GIGYF2: variants seen among roughly 807,000 people sequenced by gnomAD.
GIGYF2 encodes GRB10-interacting GYF protein 2.
A neutral mutation model predicts 208.1 loss-of-function variants in GIGYF2; 25 were observed. That is an observed-to-expected ratio of 0.12 (90% CI 0.09 to 0.17). The LOEUF is 0.17. Among genes scored for constraint, GIGYF2 ranks in the 10% least tolerant of loss-of-function variants. The pLI is 1.00. For synonymous variants in GIGYF2, 534 were observed against 543.8 expected, an observed-to-expected ratio of 0.98 and a Z score of 0.25; for missense variants, 1,302 against 1,579.4, an observed-to-expected ratio of 0.82 and a Z score of 2.98.
chr2:232,736,109 G>C, intron 3 of GIGYF2: 2 of 955,148 alleles, frequency 2.1e-6, no homozygotes, highest in Non-Finnish European at 2.5e-6. Context: ...ATTAATATAT[G>C]TAATCTCGAA....
rs754789407 is a variant in GIGYF2 at position 232,771,192 on chromosome 2, C to T, written c.532+9756C>T. 5.0e-6 allele frequency: 8 copies of T among 1,613,686 alleles called. No homozygotes were observed. The highest frequency in any genetic ancestry group is 1.1e-5 in the South Asian group (1 of 91,078). On this transcript the variant is annotated intron_variant, in intron 8 of 28. Transcript: ENST00000373563. The stretch of plus-strand genomic sequence containing the variant: ...CAACAAAAGAAGCAGAAAAGACCAA[C>T]ATCATCCAACGCCAGCGCATGTCCA...
chr2:232,761,572 A>C, intron 8 of GIGYF2, 136 bp downstream of exon 8: 1 of 631,482 alleles, frequency 1.6e-6, no homozygotes, highest in Non-Finnish European at 2.9e-6. Context: ...TACTGCATGA[A>C]ACCAGAGATG....
intron 13 of GIGYF2, among the ~76,000 whole-genome samples, chr2:232,795,385 G>T (rs1383076708): frequency 6.6e-6 from 1 of 152,184 alleles, no homozygotes; most frequent in Non-Finnish European, 1.5e-5. Flanking sequence ...TAAAGTAAGT[G>T]ATAGCTTGCT....
chr2:232,710,594 A>T (rs1696345159), intron 2 of GIGYF2, among the ~76,000 whole-genome samples: 1 of 152,164 alleles, frequency 6.6e-6, no homozygotes, highest in South Asian at 2.1e-4. Context: ...ATTTAAGTAA[A>T]ATCCAAAATG....
At chr2:232,740,207 C>A (rs1331890192) in intron 3 of GIGYF2, among the ~76,000 whole-genome samples, 4 of 152,080 alleles carry the variant, frequency 2.6e-5, no homozygotes, top group African/African-American at 9.7e-5. Flanking sequence ...CCTGTAGTCC[C>A]AGCTACTGAG....
chr2:232,714,929 C>T (rs1696610706), intron 2 of GIGYF2, among the ~76,000 whole-genome samples: 1 of 152,102 alleles, frequency 6.6e-6, no homozygotes, highest in African/African-American at 2.4e-5. Context: ...TCCCTTCTCC[C>T]ACTCTCCACC....
At chr2:232,766,601 A>G (rs536199364) in intron 8 of GIGYF2, 1 of 152,466 alleles carries the variant, frequency 6.6e-6, no homozygotes, top group Admixed American at 6.5e-5. Flanking sequence ...TCTACTTAAG[A>G]ATGAATGTCT....
At position 232,791,938 on chromosome 2, in the gene GIGYF2, A is replaced by C. The variant is rs572989847; in HGVS notation, c.1282+492A>C. Among the ~76,000 whole-genome samples, 92 of 152,328 alleles carry C rather than the reference A, an allele frequency of 6.0e-4. 2 individuals are homozygous for C. In the South Asian group the frequency reaches 0.018, roughly 30 times the overall value. ...GTTAGTGTATTGGTTTAAGTTGCTC[A>C]TACACTTTATTAGGCAATATTAATG... On this transcript the variant is annotated intron_variant, in intron 12 of 28. Transcript: ENST00000373563.
At chr2:232,781,045 C>T (rs1699698256) in intron 8 of GIGYF2, among the ~76,000 whole-genome samples, 1 of 152,018 alleles carries the variant, frequency 6.6e-6, no homozygotes, top group African/African-American at 2.4e-5. Flanking sequence ...GCAACCTCCA[C>T]CTCCCGGGTT....
Position 232,839,882 on chromosome 2 carries a change from A to G in GIGYF2, c.2800A>G (p.Asn934Asp), listed in dbSNP as rs1282081385. Residue 934 changes from asparagine to aspartate, a missense_variant, in exon 23 of 29, where the codon AAT becomes GAT. By Grantham distance (23) the Asn-to-Asp change is conservative (BLOSUM62 1). Coordinates refer to ENST00000373563, the MANE Select transcript of GIGYF2 (RefSeq NM_001103146.3). ...TTCTTCAACGTGGGGCCAGCAGTCCAATACAACAGCATGTCAGTCCCAGGC... is the reference window on the plus strand; with the variant it reads ...TTCTTCAACGTGGGGCCAGCAGTCCGATACAACAGCATGTCAGTCCCAGGC... The part of the protein sequence containing the change: ...PSSSTWGQQS[N>D]TTACQSQATL... 6.2e-7 allele frequency: 1 copy of G among 1,614,054 alleles called. No homozygotes were observed. The highest frequency in any genetic ancestry group is 1.7e-5 in the Admixed American group (1 of 60,018).
At chr2:232,781,027 G>A (rs897666596) in intron 8 of GIGYF2, among the ~76,000 whole-genome samples, 1 of 151,792 alleles carries the variant, frequency 6.6e-6, no homozygotes, top group African/African-American at 2.4e-5. Context: ...GCACAATCTC[G>A]GCTCACTGCA....
In GIGYF2 at chr2:232,796,157, G is replaced by A. The variant is rs370762713; in HGVS notation, c.1575G>A (p.Ser525=). Residue 525 remains serine, a synonymous_variant, in exon 14 of 29, where the codon TCG becomes TCA. Transcript: ENST00000373563. ...AAGAGCACAGAGCTAAAGGAGTGTC[G>A]ATTCCATTGATGCATGAAGCAATGC... The part of the protein sequence containing the change: ...KLQEHRAKGV[S]IPLMHEAMQK... 8.8e-6 allele frequency: 14 copies of A among 1,599,876 alleles called. No individual in the cohort carries two copies. The East Asian group carries it at 8.9e-5, about 10-fold the overall frequency.
intron 18 of GIGYF2, among the ~76,000 whole-genome samples, chr2:232,814,077 G>A (rs1011249733): frequency 6.6e-6 from 1 of 151,132 alleles, no homozygotes; most frequent in African/African-American, 2.4e-5. Flanking sequence ...TGGTAGAGAC[G>A]GTTTCACCAC....
At chr2:232,829,894 G>A (rs1367021120) in intron 21 of GIGYF2, among the ~76,000 whole-genome samples, 1 of 152,226 alleles carries the variant, frequency 6.6e-6, no homozygotes, top group Non-Finnish European at 1.5e-5. Context: ...ACAGTTGACA[G>A]TAGACAGTTG....
chr2:232,786,660 T>C (rs1699916757), intron 8 of GIGYF2, among the ~76,000 whole-genome samples: 1 of 152,236 alleles, frequency 6.6e-6, no homozygotes, highest in Non-Finnish European at 1.5e-5. Context: ...AAATATCTTA[T>C]AACTTTAAAA....
At chr2:232,712,503 G>A (rs1282909417) in intron 2 of GIGYF2, among the ~76,000 whole-genome samples, 1 of 152,148 alleles carries the variant, frequency 6.6e-6, no homozygotes, top group Non-Finnish European at 1.5e-5. Context: ...AGAATATAGT[G>A]ACTGCTGGTA....
At chr2:232,710,501 A>G (rs1393103779) in intron 2 of GIGYF2, among the ~76,000 whole-genome samples, 1 of 152,174 alleles carries the variant, frequency 6.6e-6, no homozygotes, top group Non-Finnish European at 1.5e-5. Flanking sequence ...CAGGTGCTGG[A>G]CTAGCCCTGG....
In GIGYF2 at chr2:232,809,761, C is replaced by T. The variant is rs149837608; in HGVS notation, c.1848C>T (p.Leu616=). 304 of 1,611,768 alleles carry T rather than the reference C, an allele frequency of 1.9e-4. No homozygotes were observed. In the African/African-American group the frequency reaches 3.8e-3, roughly 20 times the overall value. Residue 616 remains leucine (L), a synonymous_variant, in exon 16 of 29, where the codon CTC becomes CTT. Transcript: ENST00000373563. ...DQERLTRQQE[L]TALYQMQHLQ... ...AACGACTGACCAGGCAGCAAGAACT[C>T]ACAGCCTTATACCAGATGCAGCACC...
intron 5 of GIGYF2, among the ~76,000 whole-genome samples, chr2:232,754,630 A>G (rs1698462043): frequency 6.6e-6 from 1 of 152,170 alleles, no homozygotes; most frequent in Non-Finnish European, 1.5e-5. Flanking sequence ...ATTAATCTGT[A>G]TTTTGGGACC....
Sources: allele counts gnomAD v4.1 joint callset (sites outside exome capture counted in the v4.1 genomes callset), GRCh38; gene constraint gnomAD v4.1.1; transcripts MANE v1.5; gene names NCBI Gene and HGNC (gene_info 2026-07-23, HGNC 2026-07-21).